Variants in MPPED2 observed in about 807,000 individuals in gnomAD.
MPPED2 encodes the protein metallophosphoesterase domain containing 2, also known as metallophosphoesterase MPPED2.
Under a neutral mutation model 33.0 loss-of-function variants are expected in MPPED2, and 5 were observed. That is an observed-to-expected ratio of 0.15 (90% CI 0.08 to 0.32). The LOEUF (loss-of-function observed/expected upper bound fraction) is 0.32, where lower values mean the gene tolerates loss of function less well. Among genes scored for constraint, MPPED2 ranks in the 10% least tolerant of loss-of-function variants. MPPED2 has a pLI of 1.00. For missense variants in MPPED2, 275 were observed against 372.1 expected (o/e 0.74, Z 2.15); for synonymous variants, 136 against 141.9 (o/e 0.96, Z 0.29).
Position 30,417,627 on chromosome 11 carries a change from C to T in MPPED2, c.543G>A (p.Pro181=), listed in dbSNP as rs760986143. ...GFRIYGAPWT[P]WFNGWGFNLP... ...GGTTAAAGCCCCATCCATTAAACCA[C>T]GGGGTCCTTTGGGGGAGATAATGCA... Residue 181 remains proline (P), a synonymous_variant, in exon 5 of 7, where the codon CCG becomes CCA. Coordinates refer to ENST00000358117, the MANE Select transcript of MPPED2 (RefSeq NM_001584.3). 48 of 1,606,812 alleles carry T rather than the reference C, an allele frequency of 3.0e-5. No homozygotes were observed. In the Middle Eastern group the frequency reaches 5.0e-4, roughly 17 times the overall value.
chr11:30,533,690 T>A lies in MPPED2; in HGVS notation c.310+2304A>T, dbSNP rs141056268. Among the ~76,000 whole-genome samples the A allele has an allele frequency of 4.6e-5, 7 of 152,220 alleles. No homozygotes were observed. The East Asian group carries it at 1.4e-3, about 30-fold the overall frequency. On this transcript the variant is annotated intron_variant, in intron 3 of 6. Transcript: ENST00000358117. ...TTGGCCTTCTCTATGGGATCCCAAC[T>A]TCTCTAACCATATCCCAGGGCTCCC...
intron 4 of MPPED2, among the ~76,000 whole-genome samples, chr11:30,438,943 T>C (rs1056383340): frequency 8.5e-5 from 13 of 152,214 alleles, no homozygotes; most frequent in Non-Finnish European, 4.4e-5. Context: ...TGGCTCAGTG[T>C]CAGACTCAGA....
chr11:30,452,131 A>G, intron 4 of MPPED2: 1 of 980,768 alleles, frequency 1.0e-6, no homozygotes, highest in Non-Finnish European at 1.2e-6. Context: ...TCTACTTAAA[A>G]ATCTTCAAGG....
At chr11:30,549,246 A>G (rs1398045030) in intron 2 of MPPED2, among the ~76,000 whole-genome samples, 2 of 152,144 alleles carry the variant, frequency 1.3e-5, no homozygotes, top group Non-Finnish European at 2.9e-5. Flanking sequence ...GTACCTGGTT[A>G]TATGTCATTT....
chr11:30,545,600 A>G (rs189339931), intron 2 of MPPED2, among the ~76,000 whole-genome samples: 116 of 152,274 alleles, frequency 7.6e-4, no homozygotes, highest in South Asian at 6.2e-4. Flanking sequence ...CAGGCACTGT[A>G]CAGGGCACTT....
rs1952050673 is a variant in MPPED2, at chr11:30,492,972, CA to C, written c.536+2323del. Among the ~76,000 whole-genome samples, 3 of 152,134 alleles carry C rather than the reference CA, an allele frequency of 2.0e-5. No homozygotes were observed. The South Asian group carries it at 6.2e-4, about 32-fold the overall frequency. ...AGGATTAAATAAGATGACACGTATACAAAAAATGTAGGACAATGCCTGGCAT... is the reference window on the plus strand; with the variant it reads ...AGGATTAAATAAGATGACACGTATACAAAAATGTAGGACAATGCCTGGCAT... On this transcript the variant is annotated intron_variant, in intron 4 of 6. Coordinates refer to ENST00000358117, the MANE Select transcript of MPPED2 (RefSeq NM_001584.3).
chr11:30,398,496 T>C (rs920976587), intron 6 of MPPED2, among the ~76,000 whole-genome samples: 4 of 152,128 alleles, frequency 2.6e-5, no homozygotes, highest in African/African-American at 9.7e-5. Flanking sequence ...GATCAGATGG[T>C]CAGATGATTT....
intron 3 of MPPED2, among the ~76,000 whole-genome samples, chr11:30,523,621 CTTTTT>C (rs755853042): frequency 1.9e-5 from 2 of 104,572 alleles, no homozygotes; most frequent in Non-Finnish European, 3.7e-5. Flanking sequence ...AGCAACACAT[CTTTTT>C]TTTTTTTTTT....
chr11:30,475,854 A>C (rs1951169787), intron 4 of MPPED2, among the ~76,000 whole-genome samples: 1 of 152,014 alleles, frequency 6.6e-6, no homozygotes, highest in Non-Finnish European at 1.5e-5. Context: ...AGGGTGTTCC[A>C]TTTTACATTC....
At chr11:30,534,370 T>C (rs1466553181) in intron 3 of MPPED2, among the ~76,000 whole-genome samples, 3 of 152,146 alleles carry the variant, frequency 2.0e-5, no homozygotes, top group African/African-American at 4.8e-5. Context: ...GAGATTATTG[T>C]AGAGAAAAAA....
chr11:30,392,433 A>G (rs61884662), intron 6 of MPPED2, among the ~76,000 whole-genome samples: 1 of 152,218 alleles, frequency 6.6e-6, no homozygotes. Context: ...AATTACTTTA[A>G]CATAGGGTTA....
At chr11:30,571,629 A>G (rs1379972448) in intron 2 of MPPED2, among the ~76,000 whole-genome samples, 2 of 152,214 alleles carry the variant, frequency 1.3e-5, no homozygotes, top group Non-Finnish European at 2.9e-5. Flanking sequence ...AAAGTCTAAA[A>G]GGGAAAAAGA....
At chr11:30,471,267 A>G (rs2134060801) in intron 4 of MPPED2, among the ~76,000 whole-genome samples, 1 of 152,252 alleles carries the variant, frequency 6.6e-6, no homozygotes, top group South Asian at 2.1e-4. Context: ...CTTCCTTCCC[A>G]TTCCCTTCAT....
intron 3 of MPPED2, among the ~76,000 whole-genome samples, chr11:30,528,666 C>A (rs781732695): frequency 1.1e-4 from 17 of 151,950 alleles, no homozygotes; most frequent in Non-Finnish European, 1.9e-4. Context: ...ACTATGCTGC[C>A]CAGGTTGGTC....
chr11:30,479,616 T>C (rs1265114025), intron 4 of MPPED2, among the ~76,000 whole-genome samples: 1 of 150,314 alleles, frequency 6.7e-6, no homozygotes, highest in Non-Finnish European at 1.5e-5. Context: ...GAGGATAGTG[T>C]ACTCCCAAAG....
At chr11:30,389,456 G>T (rs1299800233) in intron 6 of MPPED2, among the ~76,000 whole-genome samples, 1 of 152,190 alleles carries the variant, frequency 6.6e-6, no homozygotes, top group Non-Finnish European at 1.5e-5. Flanking sequence ...TGGTCCTCCT[G>T]CTAAGCTGCT....
chr11:30,544,424 A>G (rs1955300233), intron 2 of MPPED2, among the ~76,000 whole-genome samples: 1 of 152,232 alleles, frequency 6.6e-6, no homozygotes, highest in Non-Finnish European at 1.5e-5. Context: ...GTCAATAACC[A>G]TGTCTTAAGC....
intron 4 of MPPED2, among the ~76,000 whole-genome samples, chr11:30,433,414 G>A (rs1949171866): frequency 6.6e-6 from 1 of 152,144 alleles, no homozygotes; most frequent in African/African-American, 2.4e-5. Context: ...CATGTAGCAT[G>A]TACTATATGA....
At chr11:30,433,012 T>C (rs1295287768) in intron 4 of MPPED2, among the ~76,000 whole-genome samples, 1 of 152,224 alleles carries the variant, frequency 6.6e-6, no homozygotes, top group Non-Finnish European at 1.5e-5. Flanking sequence ...TGCACTGTTC[T>C]GATGGGGGTC....
Sources: gnomAD v4.1 joint callset for allele counts (sites outside exome capture counted in the v4.1 genomes callset) on GRCh38, gnomAD v4.1.1 for gene constraint, MANE v1.5 for transcripts, NCBI Gene and HGNC (gene_info 2026-07-23, HGNC 2026-07-21) for gene names.